Variants in ABRAXAS1 observed in about 807,000 individuals in gnomAD.
ABRAXAS1 encodes abraxas 1, BRCA1 A complex subunit.
In ABRAXAS1, 26 loss-of-function variants were observed where a neutral mutation model predicts 38.4. The ratio of observed to expected loss-of-function variants is 0.68; its 90% CI spans 0.50 to 0.94. The LOEUF (loss-of-function observed/expected upper bound fraction) is 0.94. ABRAXAS1 is among the 40% of genes least tolerant of loss of function. The pLI is 0.00. For synonymous variants in ABRAXAS1, 144 were observed against 165.5 expected, an observed-to-expected ratio of 0.87 and a Z score of 1.00; for missense variants, 438 against 481.9, an observed-to-expected ratio of 0.91 and a Z score of 0.85.
intron 3 of ABRAXAS1, among the ~76,000 whole-genome samples, 174 bp downstream of exon 3, chr4:83,476,469 T>C (rs533350384): frequency 2.2e-4 from 34 of 152,232 alleles, no homozygotes; most frequent in African/African-American, 8.2e-4. Context: ...AAAGAACTGC[T>C]AGGGTTGACA....
chr4:83,476,246 TA>T (rs1200071149), intron 3 of ABRAXAS1, among the ~76,000 whole-genome samples: 1 of 151,720 alleles, frequency 6.6e-6, no homozygotes, highest in Non-Finnish European at 1.5e-5. Context: ...AAAATAACAC[TA>T]AAAAATATAA....
Position 83,462,395 on chromosome 4 carries a change from A to G in ABRAXAS1, c.*74T>C. On this transcript the variant is annotated 3_prime_UTR_variant, in exon 9 of 9. Transcript: ENST00000321945. ...ATGAACTTACTGCAAGTAGCTCAAC[A>G]TAGTAAAAACAATAGAAATGTTTGG... The G allele has an allele frequency of 1.5e-6, 2 of 1,327,598 alleles. No homozygotes were observed. Among genetic ancestry groups the G allele is most frequent in the Non-Finnish European group, 2.1e-6 (2 of 961,674 alleles). 82.2% of individuals were successfully genotyped at this position (1,327,598 alleles called of 1,614,324 possible). A position where few individuals can be genotyped will look rare whatever the true frequency, so the allele number is the denominator to read the frequency against.
At chr4:83,472,123 CA>C in intron 4 of ABRAXAS1, 98 bp downstream of exon 4, 1 of 703,484 alleles carries the variant, frequency 1.4e-6, no homozygotes, top group Non-Finnish European at 2.3e-6. Context: ...ACTATGATGT[CA>C]AACACTGCTT....
chr4:83,476,514 A>C lies in ABRAXAS1; in HGVS notation c.215+129T>G, dbSNP rs187233187. On this transcript the variant is annotated intron_variant, in intron 3 of 8. Transcript: ENST00000321945. ...TGATTTTTTCAGCTATTTAAAAAAA[A>C]CTTTCCATTCTACTCAGTACCACCA... The C allele has an allele frequency of 5.2e-3, 2,851 of 544,310 alleles. 13 individuals carry two copies. The highest frequency in any genetic ancestry group is 7.7e-3 in the Non-Finnish European group (2,418 of 314,158). The allele number at this position is 544,310 out of a possible 1,614,324, so 33.7% of individuals were successfully genotyped here.
chr4:83,470,264 T>C lies in ABRAXAS1; in HGVS notation c.415A>G (p.Ile139Val), dbSNP rs2110039689. Residue 139 changes from isoleucine to valine, a missense_variant, in exon 5 of 9, where the codon ATA becomes GTA. Ile to Val is a conservative substitution (Grantham distance 29). Coordinates refer to ENST00000321945, the MANE Select transcript of ABRAXAS1 (RefSeq NM_139076.3). ...TGAGTAGAGCAGCTTTCTGTTATTA[T>C]ACTTGGTGTTAATAGCAGAAAAACA... The part of the protein sequence containing the change: ...DLVFLLLTPS[I>V]ITESCSTHRL... 2 of 1,613,824 alleles carry C rather than the reference T, an allele frequency of 1.2e-6. No homozygotes were observed. Among genetic ancestry groups the C allele is most frequent in the African/African-American group, 2.7e-5 (2 of 75,046 alleles).
intron 3 of ABRAXAS1, among the ~76,000 whole-genome samples, chr4:83,475,790 G>A (rs1056329397): frequency 6.6e-6 from 1 of 152,052 alleles, no homozygotes; most frequent in Non-Finnish European, 1.5e-5. Flanking sequence ...TTTTCTACGT[G>A]TATGTTATAC....
intron 3 of ABRAXAS1, among the ~76,000 whole-genome samples, chr4:83,473,536 T>C (rs373502579): frequency 2.6e-5 from 4 of 152,132 alleles, no homozygotes; most frequent in African/African-American, 9.6e-5. Context: ...TGATATAACA[T>C]GCAGAATTCA....
intron 2 of ABRAXAS1, chr4:83,477,484 G>A (rs925713537): frequency 5.5e-6 from 2 of 364,828 alleles, no homozygotes; most frequent in African/African-American, 4.3e-5. Context: ...TTCTGACTGT[G>A]GGAGCCTCAG....
intron 3 of ABRAXAS1, among the ~76,000 whole-genome samples, chr4:83,474,671 G>C (rs1197916982): frequency 1.4e-5 from 2 of 146,484 alleles, no homozygotes; most frequent in Non-Finnish European, 3.0e-5. Context: ...CCGAGATTGC[G>C]CCACTGCACT....
intron 4 of ABRAXAS1, 72 bp downstream of exon 4, chr4:83,472,150 G>T: frequency 1.1e-6 from 1 of 910,008 alleles, no homozygotes; most frequent in Non-Finnish European, 1.7e-6. Context: ...TTCTGTCAAA[G>T]TACTGTGTGT....
intron 1 of ABRAXAS1, among the ~76,000 whole-genome samples, chr4:83,483,006 T>C (rs1350372538): frequency 6.6e-6 from 1 of 152,252 alleles, no homozygotes; most frequent in Non-Finnish European, 1.5e-5. Context: ...ATGACTACTC[T>C]GGATTTAACC....
Position 83,469,268 on chromosome 4 carries a change from C to T in ABRAXAS1, c.477-117G>A, listed in dbSNP as rs974430419. On this transcript the variant is annotated intron_variant, in intron 5 of 8. Transcript: ENST00000321945. ...TTAAAAAAATACACCCCCCAAAACC[C>T]ATTCTTTACTACTTATCCAAAATAG... 14 of 834,880 alleles carry T rather than the reference C, an allele frequency of 1.7e-5. No individual in the cohort carries two copies. The African/African-American group carries it at 2.2e-4, about 13-fold the overall frequency. The allele number at this position is 834,880 out of a possible 1,614,324, so 51.7% of individuals were successfully genotyped here.
intron 7 of ABRAXAS1, chr4:83,467,211 G>A (rs1021129901): frequency 2.8e-6 from 1 of 357,564 alleles, no homozygotes; most frequent in African/African-American, 2.2e-5. Flanking sequence ...AATAATTTGG[G>A]GACATTTGGT....
At chr4:83,484,109 T>C (rs1187921832) in intron 1 of ABRAXAS1, 39 of 946,948 alleles carry the variant, frequency 4.1e-5, no homozygotes, top group Non-Finnish European at 4.8e-5. Flanking sequence ...CTCAGGTGAT[T>C]CACCCGCCTC....
At position 83,459,565 on chromosome 4, in the gene ABRAXAS1, A is replaced by T; in HGVS notation, c.*2904T>A. ...TATATATAGACTTGACACACTGGAT[A>T]GAAAATATTTAAAAGGTAACAGGAG... On this transcript the variant is annotated 3_prime_UTR_variant, in exon 9 of 9. Coordinates refer to ENST00000321945, the MANE Select transcript of ABRAXAS1 (RefSeq NM_139076.3). 1 of 571,992 alleles carries T rather than the reference A, an allele frequency of 1.7e-6. No individual in the cohort carries two copies. The highest frequency in any genetic ancestry group is 3.1e-6 in the Non-Finnish European group (1 of 322,586). The allele number at this position is 571,992 out of a possible 1,614,324, so 35.4% of individuals were successfully genotyped here. A position where few individuals can be genotyped will look rare whatever the true frequency, so the allele number is the denominator to read the frequency against.
intron 3 of ABRAXAS1, among the ~76,000 whole-genome samples, chr4:83,475,537 G>C (rs1399805788): frequency 6.6e-6 from 1 of 152,040 alleles, no homozygotes; most frequent in East Asian, 1.9e-4. Context: ...TCTTTCTCCT[G>C]AGCTCAAGTG....
intron 1 of ABRAXAS1, 26 bp downstream of exon 1, chr4:83,484,960 G>A: frequency 1.3e-6 from 2 of 1,553,658 alleles, no homozygotes; most frequent in African/African-American, 1.4e-5. Flanking sequence ...AGGCGACGCC[G>A]GACCCCGCCC....
At position 83,460,723 on chromosome 4, in the gene ABRAXAS1, G is replaced by A. The variant is rs187948729; in HGVS notation, c.*1746C>T. 5 of 405,628 alleles carry A rather than the reference G, an allele frequency of 1.2e-5. No homozygotes were observed. The highest frequency in any genetic ancestry group is 9.3e-5 in the South Asian group (4 of 42,792). 25.1% of individuals were successfully genotyped at this position (405,628 alleles called of 1,614,324 possible). ...GTTCAGGACCAGCCTGGCCAATATG[G>A]TGAAACCCCGTTTCTACTACAAATA... On this transcript the variant is annotated 3_prime_UTR_variant, in exon 9 of 9. Coordinates refer to ENST00000321945, the MANE Select transcript of ABRAXAS1 (RefSeq NM_139076.3).
In ABRAXAS1 at chr4:83,476,683, G is replaced by A; in HGVS notation, c.179-4C>T. 2.6e-6 allele frequency: 4 copies of A among 1,547,794 alleles called. No homozygotes were observed. The highest frequency in any genetic ancestry group is 3.6e-6 in the Non-Finnish European group (4 of 1,122,128). Reference sequence around the variant, plus strand: ...CATGGAATATATTTCTGAATGTCTGGAAGAAAAGGATTTTTAGTTATGATT... The same window carrying A: ...CATGGAATATATTTCTGAATGTCTGAAAGAAAAGGATTTTTAGTTATGATT... On this transcript the variant is annotated splice_region_variant and splice_polypyrimidine_tract_variant and intron_variant, in intron 2 of 8. Transcript: ENST00000321945.
Sources: gnomAD v4.1 joint callset for allele counts (sites outside exome capture counted in the v4.1 genomes callset) on GRCh38, gnomAD v4.1.1 for gene constraint, MANE v1.5 for transcripts, NCBI Gene and HGNC (gene_info 2026-07-23, HGNC 2026-07-21) for gene names.